The following DRC1 variants were observed in gnomAD, a reference collection of about 807,000 sequenced individuals.
The protein encoded by DRC1 is dynein regulatory complex subunit 1, also known as dynein regulatory complex protein 1.
DRC1 carries 74 observed loss-of-function variants against 98.7 expected under a neutral mutation model. The ratio of observed to expected loss-of-function variants is 0.75; its 90% confidence interval spans 0.62 to 0.91. DRC1 has a LOEUF of 0.91. Ranked by LOEUF, DRC1 falls within the 40% of genes least tolerant of loss-of-function variation. DRC1 has a pLI of 0.00. For synonymous variants in DRC1, 336 were observed against 334.1 expected (o/e 1.01, Z -0.06); for missense variants, 875 against 886.0 (o/e 0.99, Z 0.16).
chr2:26,440,040 A>G (rs1572376671), intron 7 of DRC1, among the ~76,000 whole-genome samples: 6 of 147,636 alleles, frequency 4.1e-5, no homozygotes, highest in African/African-American at 1.5e-4. Flanking sequence ...TATAATTCAC[A>G]GAGCAGATAA....
intron 2 of DRC1, among the ~76,000 whole-genome samples, chr2:26,416,574 T>A (rs1678812365): frequency 6.6e-6 from 1 of 152,234 alleles, no homozygotes; most frequent in Admixed American, 6.5e-5. Context: ...CTATGACCTA[T>A]CTGGAATTGA....
intron 7 of DRC1, among the ~76,000 whole-genome samples, chr2:26,436,981 C>T (rs530990178): frequency 9.0e-4 from 137 of 152,270 alleles, no homozygotes; most frequent in Non-Finnish European, 1.6e-3. Context: ...GGTTACATCC[C>T]ATATGGAGCT....
rs778388067 is a variant in DRC1, at chr2:26,402,104, C to G, written c.115C>G (p.Arg39Gly). 4 of 1,612,136 alleles carry G rather than the reference C, an allele frequency of 2.5e-6. No homozygotes were observed. In the South Asian group the frequency reaches 3.3e-5, roughly 13 times the overall value. Residue 39 changes from arginine (R) to glycine (G), a missense_variant, in exon 1 of 17, where the codon CGG becomes GGG. Coordinates refer to ENST00000288710, the MANE Select transcript of DRC1 (RefSeq NM_145038.5). ...SDNSQERIQA[R>G]RLRIAARLEA... is the part of the protein sequence containing the mutation. Reference sequence around the variant, plus strand: ...CAACTCTCAGGAGCGCATCCAGGCCCGGCGCCTCCGCATCGCTGCGCGCTT... The same window carrying G: ...CAACTCTCAGGAGCGCATCCAGGCCGGGCGCCTCCGCATCGCTGCGCGCTT...
rs947858109 is a variant in DRC1 at position 26,448,813 on chromosome 2, G to A, written c.1509+10G>A. ...CCTGTGTGACGAGTCGGTGAGGCCA[G>A]GCGGGGGCTGCAGCAGAGGGACTCA... is the stretch of plus-strand genomic sequence containing the variant. On this transcript the variant is annotated intron_variant, in intron 11 of 16. Coordinates refer to ENST00000288710, the MANE Select transcript of DRC1 (RefSeq NM_145038.5). 3 of 1,613,536 alleles carry A rather than the reference G, an allele frequency of 1.9e-6. No individual in the cohort carries two copies. Among genetic ancestry groups the A allele is most frequent in the Non-Finnish European group, 2.5e-6 (3 of 1,179,676 alleles).
At chr2:26,424,061 T>C (rs575275922) in intron 3 of DRC1, among the ~76,000 whole-genome samples, 15 of 152,360 alleles carry the variant, frequency 9.8e-5, no homozygotes, top group African/African-American at 3.4e-4. Flanking sequence ...GTTTTTGCTA[T>C]GTGTCATTTT....
In DRC1 at chr2:26,440,508, A is replaced by C; in HGVS notation, c.1019A>C (p.Lys340Thr). 1 of 1,610,480 alleles carries C rather than the reference A, an allele frequency of 6.2e-7. No individual in the cohort carries two copies. The part of the protein sequence containing the change: ...STVIKSQQKR[K>T]INRLHDILNN... Reference sequence around the variant, plus strand: ...GTAATTAAATCCCAGCAGAAGAGGAAGATCAATCGGTAAGCTAGCATGCAG... The same window carrying C: ...GTAATTAAATCCCAGCAGAAGAGGACGATCAATCGGTAAGCTAGCATGCAG... The change falls in exon 8 of 17, where the codon AAG becomes ACG. Residue 340 changes from lysine to threonine, a missense_variant. By Grantham distance (78) the Lys-to-Thr change is moderately conservative. Coordinates refer to ENST00000288710, the MANE Select transcript of DRC1 (RefSeq NM_145038.5).
intron 4 of DRC1, among the ~76,000 whole-genome samples, chr2:26,425,976 T>C (rs1362688873): frequency 6.6e-6 from 1 of 152,214 alleles, no homozygotes; most frequent in East Asian, 1.9e-4. Flanking sequence ...CAAGAAATTA[T>C]GGCCAAATCC....
chr2:26,435,446 G>A (rs1663544933), intron 7 of DRC1, among the ~76,000 whole-genome samples: 1 of 152,100 alleles, frequency 6.6e-6, no homozygotes, highest in South Asian at 2.1e-4. Flanking sequence ...TTAGGTTCAG[G>A]GTACATGTGC....
chr2:26,443,693 C>T (rs1391602244), intron 8 of DRC1, among the ~76,000 whole-genome samples: 1 of 152,088 alleles, frequency 6.6e-6, no homozygotes, highest in African/African-American at 2.4e-5. Context: ...TTAATGAATA[C>T]GTGGATGAGT....
At chr2:26,419,077 C>T (rs1380755035) in intron 2 of DRC1, among the ~76,000 whole-genome samples, 4 of 151,376 alleles carry the variant, frequency 2.6e-5, no homozygotes, top group Non-Finnish European at 4.4e-5. Flanking sequence ...TTAGTAGAGA[C>T]GGGGTTTCAC....
At chr2:26,424,016 GTA>G (rs1410090965) in intron 3 of DRC1, among the ~76,000 whole-genome samples, 1 of 152,114 alleles carries the variant, frequency 6.6e-6, no homozygotes, top group Non-Finnish European at 1.5e-5. Flanking sequence ...GCACGCGTGT[GTA>G]TGTGTGTGTG....
chr2:26,456,630 GGGCTGTCTTT>G lies in DRC1; in HGVS notation c.*114_*123del. ...CTGGGCCTGCTCTCTGGATTTTCCA[GGGCTGTCTTT>G]ATAGCCTGTCGAAATAAGGAGCCAG... On this transcript the variant is annotated 3_prime_UTR_variant, in exon 17 of 17. Coordinates refer to ENST00000288710, the MANE Select transcript of DRC1 (RefSeq NM_145038.5). 7.7e-7 allele frequency: 1 copy of G among 1,304,892 alleles called. No individual in the cohort carries two copies. Among genetic ancestry groups the G allele is most frequent in the Non-Finnish European group, 1.1e-6 (1 of 918,052 alleles). The allele number at this position is 1,304,892 out of a possible 1,614,324, so 80.8% of individuals were successfully genotyped here.
At chr2:26,408,554 C>T (rs144967299) in intron 1 of DRC1, among the ~76,000 whole-genome samples, 1 of 152,224 alleles carries the variant, frequency 6.6e-6, no homozygotes, top group East Asian at 1.9e-4. Context: ...GGGTGGATAA[C>T]CTGAGGTCTG....
chr2:26,451,666 G>T (rs1014048298), intron 13 of DRC1, among the ~76,000 whole-genome samples: 1 of 151,970 alleles, frequency 6.6e-6, no homozygotes, highest in Non-Finnish European at 1.5e-5. Flanking sequence ...ATTTCAGCCT[G>T]GGTGACAGAG....
chr2:26,420,051 T>A (rs769600127), intron 2 of DRC1, among the ~76,000 whole-genome samples: 2 of 152,050 alleles, frequency 1.3e-5, no homozygotes, highest in Admixed American at 6.6e-5. Context: ...ATGGATGGGG[T>A]CTGCTTGATG....
chr2:26,408,426 G>A (rs1016691015), intron 1 of DRC1, among the ~76,000 whole-genome samples: 1 of 152,120 alleles, frequency 6.6e-6, no homozygotes, highest in African/African-American at 2.4e-5. Context: ...CCAGGCAGGA[G>A]GCTGGAGAAG....
At chr2:26,414,129 T>C (rs1044640308) in intron 1 of DRC1, among the ~76,000 whole-genome samples, 3 of 148,902 alleles carry the variant, frequency 2.0e-5, no homozygotes, top group Admixed American at 6.7e-5. Context: ...ATTATTATTA[T>C]TATTATTATT....
intron 7 of DRC1, among the ~76,000 whole-genome samples, chr2:26,436,603 A>G (rs1419286865): frequency 6.6e-6 from 1 of 152,182 alleles, no homozygotes; most frequent in African/African-American, 2.4e-5. Flanking sequence ...ATGAGCCAAC[A>G]TGCCCAGCCA....
Position 26,448,823 on chromosome 2 carries a change from G to A in DRC1, c.1509+20G>A. On this transcript the variant is annotated intron_variant, in intron 11 of 16. Coordinates refer to ENST00000288710, the MANE Select transcript of DRC1 (RefSeq NM_145038.5). ...GAGTCGGTGAGGCCAGGCGGGGGCT[G>A]CAGCAGAGGGACTCACGGGGGTGTG... 6.2e-7 allele frequency: 1 copy of A among 1,610,350 alleles called. No homozygotes were observed. The highest frequency in any genetic ancestry group is 8.5e-7 in the Non-Finnish European group (1 of 1,176,994).
Sources: allele counts gnomAD v4.1 joint callset (sites outside exome capture counted in the v4.1 genomes callset), GRCh38; gene constraint gnomAD v4.1.1; transcripts MANE v1.5; gene names NCBI Gene and HGNC (gene_info 2026-07-23, HGNC 2026-07-21).